RIPK4: variants seen among roughly 807,000 people sequenced by gnomAD.
The protein encoded by RIPK4 is receptor interacting serine/threonine kinase 4.
A neutral mutation model predicts 42.9 loss-of-function variants in RIPK4; 17 were observed. The observed-to-expected ratio is 0.40, with a 90% CI of 0.27 to 0.59. The LOEUF is 0.59. Among genes scored for constraint, RIPK4 ranks in the 20% least tolerant of loss-of-function variants. RIPK4 has a pLI of 0.47. For synonymous variants in RIPK4, 498 were observed against 499.1 expected, an observed-to-expected ratio of 1.00 and a Z score of 0.03; for missense variants, 897 against 1,104.4, an observed-to-expected ratio of 0.81 and a Z score of 2.66.
At chr21:41,746,925 G>T in intron 4 of RIPK4, 154 bp from the exon 5 acceptor site, 2 of 804,576 alleles carry the variant, frequency 2.5e-6, no homozygotes, top group South Asian at 1.8e-5. Context: ...CAAAGGCAGA[G>T]CTTCCTGTAA....
At chr21:41,745,446 C>T (rs1011931028) in intron 6 of RIPK4, among the ~76,000 whole-genome samples, 1 of 152,222 alleles carries the variant, frequency 6.6e-6, no homozygotes. Context: ...CAGACACCAG[C>T]TCTCCCTCCC....
chr21:41,761,132 C>T (rs2061219173), intron 1 of RIPK4, among the ~76,000 whole-genome samples: 1 of 152,218 alleles, frequency 6.6e-6, no homozygotes, highest in Non-Finnish European at 1.5e-5. Flanking sequence ...GTGGGACTCT[C>T]AACCCTGTCC....
At position 41,741,177 on chromosome 21, in the gene RIPK4, G is replaced by A. The variant is rs143972232; in HGVS notation, c.2016C>T (p.Thr672=). The change falls in exon 8 of 8, where the codon ACC becomes ACT. Residue 672 remains threonine, a synonymous_variant. Transcript: ENST00000332512. ...GKEAMTSDGY[T]ALHLAARNGH... is the part of the protein sequence containing the mutation. ...CGTTGCGGGCAGCCAGGTGCAGAGC[G>A]GTGTAGCCGTCTGAGGTCATGGCCT... The A allele has an allele frequency of 6.1e-5, 98 of 1,612,058 alleles. No individual in the cohort carries two copies. In the African/African-American group the frequency reaches 6.9e-4, roughly 11 times the overall value.
chr21:41,759,915 T>G (rs1194639006), intron 1 of RIPK4, among the ~76,000 whole-genome samples: 1 of 152,202 alleles, frequency 6.6e-6, no homozygotes, highest in East Asian at 1.9e-4. Context: ...CTCGGAGATC[T>G]CAGCCTGTCT....
chr21:41,745,933 CA>C, intron 5 of RIPK4, 71 bp from the exon 6 acceptor site: 1 of 1,225,470 alleles, frequency 8.2e-7, no homozygotes, highest in South Asian at 1.2e-5. Flanking sequence ...CATATAAACG[CA>C]GGGCCCCCAC....
chr21:41,742,072 G>T lies in RIPK4; in HGVS notation c.1196-75C>A. 3 of 1,352,856 alleles carry T rather than the reference G, an allele frequency of 2.2e-6. No individual in the cohort carries two copies. Among genetic ancestry groups the T allele is most frequent in the Middle Eastern group, 2.0e-4 (1 of 4,898 alleles). The allele number at this position is 1,352,856 out of a possible 1,614,324, so 83.8% of individuals were successfully genotyped here. A position where few individuals can be genotyped will look rare whatever the true frequency, so the allele number is the denominator to read the frequency against. ...ACGTGGCGTCTCTGGGAGCCTGGCTGTGGCGCTCAGGTGGAGGAGTGCCAT... is the reference window on the plus strand; with the variant it reads ...ACGTGGCGTCTCTGGGAGCCTGGCTTTGGCGCTCAGGTGGAGGAGTGCCAT... On this transcript the variant is annotated intron_variant, in intron 7 of 7. Coordinates refer to ENST00000332512, the MANE Select transcript of RIPK4 (RefSeq NM_020639.3). This position sits in a 1 kb window ranked among gnomAD's most constrained non-coding sequence, Gnocchi z 5.1.
intron 2 of RIPK4, among the ~76,000 whole-genome samples, chr21:41,753,083 A>G (rs1455591013): frequency 1.3e-5 from 2 of 152,178 alleles, no homozygotes; most frequent in African/African-American, 4.8e-5. Context: ...GTAGGAAAAA[A>G]ATATCTCCCT....
At chr21:41,744,832 G>A (rs1222724289) in intron 6 of RIPK4, among the ~76,000 whole-genome samples, 1 of 152,224 alleles carries the variant, frequency 6.6e-6, no homozygotes, top group Non-Finnish European at 1.5e-5. Flanking sequence ...ACAGGGACGA[G>A]GGGTGATCCA....
intron 3 of RIPK4, 141 bp downstream of exon 3, chr21:41,750,956 G>T: frequency 9.7e-7 from 1 of 1,034,334 alleles, no homozygotes; most frequent in Non-Finnish European, 1.4e-6. Context: ...GGGATTACAG[G>T]CGTGAGTCAC....
chr21:41,762,060 G>A (rs568161507), intron 1 of RIPK4, among the ~76,000 whole-genome samples: 5 of 152,266 alleles, frequency 3.3e-5, no homozygotes, highest in South Asian at 2.1e-4. Flanking sequence ...AGCGGATCCC[G>A]GCTAGAATCT....
chr21:41,763,799 G>A (rs1023886064), intron 1 of RIPK4, among the ~76,000 whole-genome samples: 10 of 152,330 alleles, frequency 6.6e-5, no homozygotes, highest in Admixed American at 5.9e-4. Context: ...GACCAGCCAG[G>A]GCTGAATGTG....
chr21:41,758,041 T>TATATATATATATAG (rs1452050960), intron 1 of RIPK4, among the ~76,000 whole-genome samples: 2 of 58,516 alleles, frequency 3.4e-5, no homozygotes, highest in African/African-American at 1.0e-4. Flanking sequence ...TATATATATA[T>TATATATATATATAG]AGAGAGAGAG....
At position 41,741,176 on chromosome 21, in the gene RIPK4, C is replaced by T. The variant is rs900785849; in HGVS notation, c.2017G>A (p.Ala673Thr). ...CCGTTGCGGGCAGCCAGGTGCAGAG[C>T]GGTGTAGCCGTCTGAGGTCATGGCC... ...KEAMTSDGYTALHLAARNGHL... is the reference protein window; with the variant it reads ...KEAMTSDGYTTLHLAARNGHL... Residue 673 changes from alanine (A) to threonine (T), a missense_variant, in exon 8 of 8, where the codon GCT becomes ACT. Ala to Thr is a moderately conservative substitution (Grantham distance 58, BLOSUM62 0). Transcript: ENST00000332512. 8.7e-6 allele frequency: 14 copies of T among 1,611,788 alleles called. No homozygotes were observed. Among genetic ancestry groups the T allele is most frequent in the African/African-American group, 1.3e-5 (1 of 74,894 alleles).
chr21:41,749,806 G>A (rs757996932), intron 3 of RIPK4, among the ~76,000 whole-genome samples: 110 of 151,128 alleles, frequency 7.3e-4, no homozygotes, highest in Non-Finnish European at 1.4e-3. Context: ...TTTTTCGGGG[G>A]CTGCTTAGAA....
intron 1 of RIPK4, among the ~76,000 whole-genome samples, chr21:41,765,638 C>T (rs2061233861): frequency 6.6e-6 from 1 of 152,218 alleles, no homozygotes; most frequent in Non-Finnish European, 1.5e-5. Context: ...AAAGCTGGGG[C>T]TTAGCGGCCC....
In RIPK4 at chr21:41,751,784, C is replaced by T. The variant is rs1179281761; in HGVS notation, c.475-539G>A. Among the ~76,000 whole-genome samples, 1 of 152,200 alleles carries T rather than the reference C, an allele frequency of 6.6e-6. No homozygotes were observed. The highest frequency in any genetic ancestry group is 1.5e-5 in the Non-Finnish European group (1 of 68,042). On this transcript the variant is annotated intron_variant, in intron 2 of 7. Coordinates refer to ENST00000332512, the MANE Select transcript of RIPK4 (RefSeq NM_020639.3). This position sits in a 1 kb window ranked among gnomAD's most constrained non-coding sequence, Gnocchi z 4.5. ...TTCAGAAGCCCTTTAAACTTTAAAGCAAACAAAACACACGCCTCAGAGCCC... is the reference window on the plus strand; with the variant it reads ...TTCAGAAGCCCTTTAAACTTTAAAGTAAACAAAACACACGCCTCAGAGCCC...
chr21:41,759,845 T>C (rs973359536), intron 1 of RIPK4, among the ~76,000 whole-genome samples: 1 of 152,256 alleles, frequency 6.6e-6, no homozygotes, highest in Non-Finnish European at 1.5e-5. Flanking sequence ...CAGGAACCCC[T>C]GGATCCTACT....
At chr21:41,758,037 T>TAGAGAGAG (rs1475948469) in intron 1 of RIPK4, among the ~76,000 whole-genome samples, 12 of 95,748 alleles carry the variant, frequency 1.3e-4, no homozygotes, top group Non-Finnish European at 2.1e-4. Flanking sequence ...TATATATATA[T>TAGAGAGAG]ATATAGAGAG....
Position 41,741,596 on chromosome 21 carries a change from C to T in RIPK4, c.1597G>A (p.Val533Met). The T allele has an allele frequency of 6.2e-7, 1 of 1,612,248 alleles. No individual in the cohort carries two copies. Among genetic ancestry groups the T allele is most frequent in the Non-Finnish European group, 8.5e-7 (1 of 1,180,032 alleles). Residue 533 changes from valine to methionine, a missense_variant, in exon 8 of 8, where the codon GTG becomes ATG. Physicochemically the swap from Val to Met is conservative, Grantham distance 21. Coordinates refer to ENST00000332512, the MANE Select transcript of RIPK4 (RefSeq NM_020639.3). ...ATGGGCGTCCGGCCCTCAAAGTCCA[C>T]CTCGTTGACCGAGGCGTTCTTCTCC... ...LLEKNASVNE[V>M]DFEGRTPMHV...
Sources: gnomAD v4.1 joint callset for allele counts (sites outside exome capture counted in the v4.1 genomes callset) on GRCh38, gnomAD v4.1.1 for gene constraint, Gnocchi (gnomAD v3.1) non-coding constraint, MANE v1.5 for transcripts, NCBI Gene and HGNC (gene_info 2026-07-23, HGNC 2026-07-21) for gene names.